Variants in VRTN observed in about 807,000 individuals in gnomAD.
VRTN encodes the protein vertebrae development associated.
Under a neutral mutation model 18.2 loss-of-function variants are expected in VRTN, and 5 were observed. That is an observed-to-expected ratio of 0.27 (90% confidence interval 0.14 to 0.58). The LOEUF is 0.58. VRTN is among the 20% of genes least tolerant of loss of function. The probability of loss-of-function intolerance (pLI) is 0.91; values close to 1 mark genes in which losing one functional copy is unlikely to be tolerated. For synonymous variants in VRTN, 381 were observed against 393.7 expected (o/e 0.97, Z 0.38); for missense variants, 741 against 939.4 (o/e 0.79, Z 2.76).
intron 1 of VRTN, among the ~76,000 whole-genome samples, chr14:74,323,004 G>A (rs1210353848): frequency 1.3e-5 from 2 of 151,958 alleles, no homozygotes; most frequent in Non-Finnish European, 2.9e-5. Flanking sequence ...ATGGTGACAT[G>A]CACCTGTAAT....
chr14:74,356,804 G>C lies in VRTN; in HGVS notation c.21G>C (p.Leu7=). 1 of 1,598,070 alleles carries C rather than the reference G, an allele frequency of 6.3e-7. No individual in the cohort carries two copies. Among genetic ancestry groups the C allele is most frequent in the South Asian group, 1.1e-5 (1 of 90,180 alleles). The change falls in exon 2 of 2, where the codon CTG becomes CTC. Residue 7 remains leucine, a synonymous_variant. Coordinates refer to ENST00000256362, the MANE Select transcript of VRTN (RefSeq NM_018228.3). ...GCAGGATGACTTCTCGGAACCAGCT[G>C]GTGCAGAAGGTGCTGCAGGAGCTGC... The part of the protein sequence containing the change: MTSRNQ[L]VQKVLQELQE...
chr14:74,357,601 T>C lies in VRTN; in HGVS notation c.818T>C (p.Leu273Pro), dbSNP rs140227220. 483 of 1,613,930 alleles carry C rather than the reference T, an allele frequency of 3.0e-4. No individual in the cohort carries two copies. The highest frequency in any genetic ancestry group is 2.2e-3 in the Admixed American group (133 of 60,000). Residue 273 changes from leucine (L) to proline (P), a missense_variant, in exon 2 of 2, where the codon CTG (leucine) becomes CCG (proline). Around this residue, in one of 3 missense-constraint regions of VRTN, gnomAD observed 494 missense variants for 546.5 expected, o/e 0.90. Transcript: ENST00000256362. This position sits in a 1 kb window ranked among gnomAD's most constrained non-coding sequence, Gnocchi z 7.8. ...TCATCGCCGGCCAAGACCCTGGAGC[T>C]GCTCAACCGTGAACCTGGCCTCAGC... The part of the protein sequence containing the change: ...PLSSPAKTLE[L>P]LNREPGLSYS...
At chr14:74,328,471 A>G (rs1196733605) in intron 1 of VRTN, among the ~76,000 whole-genome samples, 3 of 152,184 alleles carry the variant, frequency 2.0e-5, no homozygotes, top group African/African-American at 7.2e-5. Context: ...TGACCAAGCA[A>G]TTCTACTTGG....
chr14:74,310,239 A>T (rs1235252651), intron 1 of VRTN, among the ~76,000 whole-genome samples: 1 of 151,960 alleles, frequency 6.6e-6, no homozygotes, highest in Non-Finnish European at 1.5e-5. Flanking sequence ...CTCTACTAAA[A>T]ATACAAAATT....
Position 74,304,910 on chromosome 14 carries a change from C to T in VRTN, c.-164+1734C>T, listed in dbSNP as rs549796281. ...GCAACCAAAGTATTAAAGCAAGCAA[C>T]GTCACCTCTCTAGGGTAATCTAGGT... On this transcript the variant is annotated intron_variant, in intron 1 of 2. Coordinates refer to the VRTN transcript ENST00000557177. 4.6e-5 allele frequency among the ~76,000 whole-genome samples: 7 copies of T among 152,304 alleles called. No homozygotes were observed. In the South Asian group the frequency reaches 6.2e-4, roughly 14 times the overall value.
At chr14:74,324,517 A>G (rs1595166381) in intron 1 of VRTN, among the ~76,000 whole-genome samples, 1 of 152,154 alleles carries the variant, frequency 6.6e-6, no homozygotes, top group East Asian at 1.9e-4. Context: ...TCTGTCTGGC[A>G]GCTGGCTGAG....
chr14:74,327,534 G>A (rs997859156), intron 1 of VRTN, among the ~76,000 whole-genome samples: 7 of 151,974 alleles, frequency 4.6e-5, no homozygotes, highest in East Asian at 1.9e-4. Flanking sequence ...TCAAATTCCC[G>A]TAGAGCAGGA....
chr14:74,336,943 C>T (rs150799126), intron 1 of VRTN, among the ~76,000 whole-genome samples: 5 of 152,270 alleles, frequency 3.3e-5, no homozygotes, highest in African/African-American at 1.2e-4. Flanking sequence ...TTACCTGGAA[C>T]ATTTTGTAAT....
chr14:74,358,831 GCTCCACATACTACATGTGGAAGCGAGCC>G lies in VRTN; in HGVS notation c.2052_2079del (p.Thr685MetfsTer4). The G allele has an allele frequency of 6.2e-7, 1 of 1,614,170 alleles. No individual in the cohort carries two copies. Among genetic ancestry groups the G allele is most frequent in the Non-Finnish European group, 8.5e-7 (1 of 1,180,022 alleles). On this transcript the variant is annotated frameshift_variant, in exon 2 of 2. Coordinates refer to ENST00000256362, the MANE Select transcript of VRTN (RefSeq NM_018228.3). LOFTEE classifies it high-confidence loss of function. The surrounding 1 kb of genome is among the most constrained non-coding windows in gnomAD (Gnocchi z 5.4). ...AGTGCCCTCTTTCCCCTCACTGCCC[GCTCCACATACTACATGTGGAAGCGAGCC>G]CTCTATGACGGCCTGACCCTGGTAG...
chr14:74,356,030 C>G (rs1046496294), intron 1 of VRTN, among the ~76,000 whole-genome samples: 1 of 152,020 alleles, frequency 6.6e-6, no homozygotes, highest in Non-Finnish European at 1.5e-5. Flanking sequence ...TGGGGTTTTG[C>G]CATGTTGCTC....
Position 74,357,578 on chromosome 14 carries a change from A to C in VRTN, c.795A>C (p.Ser265=). 6.2e-7 allele frequency: 1 copy of C among 1,613,758 alleles called. No individual in the cohort carries two copies. The highest frequency in any genetic ancestry group is 8.5e-7 in the Non-Finnish European group (1 of 1,179,966). ...APALPALAPL[S]SPAKTLELLN... The stretch of plus-strand genomic sequence containing the variant: ...CTCTTCCAGCCCTGGCCCCACTCTC[A>C]TCGCCGGCCAAGACCCTGGAGCTGC... The change falls in exon 2 of 2, where the codon TCA becomes TCC. Residue 265 remains serine, a synonymous_variant. Coordinates refer to ENST00000256362, the MANE Select transcript of VRTN (RefSeq NM_018228.3). This position sits in a 1 kb window ranked among gnomAD's most constrained non-coding sequence, Gnocchi z 7.8.
intron 1 of VRTN, among the ~76,000 whole-genome samples, chr14:74,349,700 G>A (rs973875907): frequency 5.9e-5 from 9 of 152,308 alleles, no homozygotes; most frequent in Admixed American, 5.9e-4. Context: ...GGGACAAGAG[G>A]CCAGACCTGG....
rs751973452 is a variant in VRTN at position 74,356,809 on chromosome 14, A to G, written c.26A>G (p.Gln9Arg). Reference sequence around the variant, plus strand: ...ATGACTTCTCGGAACCAGCTGGTGCAGAAGGTGCTGCAGGAGCTGCAGGAA... The same window carrying G: ...ATGACTTCTCGGAACCAGCTGGTGCGGAAGGTGCTGCAGGAGCTGCAGGAA... MTSRNQLV[Q>R]KVLQELQEAV... is the part of the protein sequence containing the mutation. The change falls in exon 2 of 2, where the codon CAG (glutamine) becomes CGG (arginine). Residue 9 changes from glutamine to arginine, a missense_variant. Physicochemically the swap from Gln to Arg is conservative, Grantham distance 43 (BLOSUM62 1). Transcript: ENST00000256362. 8.1e-6 allele frequency: 13 copies of G among 1,604,318 alleles called. No individual in the cohort carries two copies. The highest frequency in any genetic ancestry group is 1.0e-5 in the Non-Finnish European group (12 of 1,174,618).
rs71115982 is a variant in VRTN at position 74,320,249 on chromosome 14, CTTTTTTTTTTTTTTT to C, written c.-164+17088_-164+17102del. Among the ~76,000 whole-genome samples, 59 of 72,694 alleles carry C rather than the reference CTTTTTTTTTTTTTTT, an allele frequency of 8.1e-4. 1 individual carries two copies. Among genetic ancestry groups the C allele is most frequent in the East Asian group, 3.4e-3 (5 of 1,462 alleles). 47.7% of individuals were successfully genotyped at this position (72,694 alleles called of 152,430 possible). On this transcript the variant is annotated intron_variant, in intron 1 of 2. Transcript: ENST00000557177. ...TGGGTGACAGAGCAAGATCCCATCC[CTTTTTTTTTTTTTTT>C]TTTTTTTTTTTTTTGAGACGGAGTC...
chr14:74,336,750 G>A (rs576895370), intron 1 of VRTN, among the ~76,000 whole-genome samples: 106 of 152,098 alleles, frequency 7.0e-4, no homozygotes, highest in African/African-American at 2.4e-3. Context: ...TCCAGCCTGG[G>A]CAACAAGAGC....
At chr14:74,330,406 CAGTT>C (rs1567041360) in intron 1 of VRTN, among the ~76,000 whole-genome samples, 1 of 151,332 alleles carries the variant, frequency 6.6e-6, no homozygotes, top group African/African-American at 2.4e-5. Flanking sequence ...TGTAAGCACT[CAGTT>C]AGTTGAAGTA....
Position 74,340,270 on chromosome 14 carries a change from G to A in VRTN, c.-2+2386G>A, listed in dbSNP as rs373649642. The stretch of plus-strand genomic sequence containing the variant: ...TGGGATTATAGGCATGTGCCACCAC[G>A]CCCGGCTAATTTTGTATTTTTAGTA... On this transcript the variant is annotated intron_variant, in intron 2 of 2. Coordinates refer to the VRTN transcript ENST00000557177. 1.1e-3 allele frequency among the ~76,000 whole-genome samples: 164 copies of A among 152,218 alleles called. 2 individuals carry two copies. The East Asian group carries it at 0.019, about 18-fold the overall frequency.
intron 2 of VRTN, among the ~76,000 whole-genome samples, chr14:74,340,700 T>C (rs1004544205): frequency 6.6e-6 from 1 of 152,218 alleles, no homozygotes; most frequent in African/African-American, 2.4e-5. Flanking sequence ...AATGCACAAG[T>C]GAATAAATAA....
chr14:74,303,971 C>T (rs965616701), intron 1 of VRTN, among the ~76,000 whole-genome samples: 1 of 151,714 alleles, frequency 6.6e-6, no homozygotes, highest in Non-Finnish European at 1.5e-5. Flanking sequence ...CCTGCCTCAG[C>T]CTCCCGAGTA....
Sources: allele counts gnomAD v4.1 joint callset (sites outside exome capture counted in the v4.1 genomes callset), GRCh38; gene constraint gnomAD v4.1.1; regional missense constraint gnomAD v4.1.1; non-coding constraint Gnocchi (gnomAD v3.1); transcripts MANE v1.5; gene names NCBI Gene and HGNC (gene_info 2026-07-23, HGNC 2026-07-21).